TEX9: variants seen among roughly 807,000 people sequenced by gnomAD.
The protein encoded by TEX9 is testis-expressed protein 9.
TEX9 carries 74 observed loss-of-function variants against 59.6 expected under a neutral mutation model. The observed-to-expected ratio is 1.24, with a 90% CI of 1.03 to 1.51. The LOEUF (loss-of-function observed/expected upper bound fraction) is 1.51, where lower values mean the gene tolerates loss of function less well. Among genes scored for constraint, TEX9 ranks in the 40% most tolerant of loss-of-function variants. The pLI is 0.00. For synonymous variants in TEX9, 186 were observed against 152.2 expected (o/e 1.22, Z -1.64); for missense variants, 522 against 447.8 (o/e 1.17, Z -1.49).
intron 1 of TEX9, among the ~76,000 whole-genome samples, chr15:56,278,317 T>G (rs1436515760): frequency 6.6e-6 from 1 of 152,222 alleles, no homozygotes; most frequent in Non-Finnish European, 1.5e-5. Flanking sequence ...TGATGTATAT[T>G]CCACCAGCAA....
chr15:56,422,882 A>C (rs1046919364), intron 10 of TEX9, among the ~76,000 whole-genome samples: 2 of 152,128 alleles, frequency 1.3e-5, no homozygotes, highest in African/African-American at 4.8e-5. Context: ...CTAGGAAGTA[A>C]ACGTCAGTAG....
rs184746093 is a variant in TEX9, at chr15:56,425,698, G to C, written c.964-1907G>C. 1.3e-5 allele frequency among the ~76,000 whole-genome samples: 2 copies of C among 152,240 alleles called. 1 individual carries two copies. Among genetic ancestry groups the C allele is most frequent in the East Asian group, 3.9e-4 (2 of 5,188 alleles). On this transcript the variant is annotated intron_variant, in intron 10 of 12. Coordinates refer to ENST00000352903, the Ensembl canonical transcript of TEX9. ...TTTAAAGTCCTTGTCAAATAAGTGA[G>C]AAGCCTTTGTTTCTTTAGGATACAC...
chr15:56,453,752 T>G, the TEX9 span, among the ~76,000 whole-genome samples: 10 of 152,292 alleles, frequency 6.6e-5, no homozygotes, highest in East Asian at 1.9e-3. Flanking sequence ...AGTTAAATTA[T>G]CTTTTAAGTA....
chr15:56,276,446 G>A (rs1050678535), intron 1 of TEX9, among the ~76,000 whole-genome samples: 1 of 152,068 alleles, frequency 6.6e-6, no homozygotes, highest in African/African-American at 2.4e-5. Context: ...TTCTGTTCCC[G>A]TGTTAGTTTG....
intron 1 of TEX9, among the ~76,000 whole-genome samples, chr15:56,342,157 G>T (rs1180273646): frequency 6.6e-6 from 1 of 152,148 alleles, no homozygotes; most frequent in African/African-American, 2.4e-5. Flanking sequence ...ACCGTCATCA[G>T]TTGGTACTTC....
intron 1 of TEX9, among the ~76,000 whole-genome samples, chr15:56,278,597 A>C (rs2044738104): frequency 6.6e-6 from 1 of 152,200 alleles, no homozygotes; most frequent in Non-Finnish European, 1.5e-5. Flanking sequence ...GGATATGGGT[A>C]GTATTTTTGA....
chr15:56,449,917 C>T (rs1596265705), downstream of TEX9, among the ~76,000 whole-genome samples: 3 of 152,240 alleles, frequency 2.0e-5, no homozygotes, highest in African/African-American at 7.2e-5. Context: ...ATTCCAAAAA[C>T]TGGTTATTTG....
chr15:56,309,700 T>TTTTTTTG (rs2045563763), intron 1 of TEX9, among the ~76,000 whole-genome samples: 1 of 125,874 alleles, frequency 7.9e-6, no homozygotes, highest in Non-Finnish European at 1.7e-5. Flanking sequence ...GAAGTTTTTT[T>TTTTTTTG]TTTTTTTTTT....
chr15:56,400,917 G>A (rs1435128851), intron 9 of TEX9, among the ~76,000 whole-genome samples: 1 of 152,098 alleles, frequency 6.6e-6, no homozygotes, highest in East Asian at 1.9e-4. Context: ...ATCCTTTACA[G>A]ACAAGCAAAT....
chr15:56,454,516 T>C, the TEX9 span, among the ~76,000 whole-genome samples: 1 of 152,210 alleles, frequency 6.6e-6, no homozygotes, highest in African/African-American at 2.4e-5. Context: ...CTATTCAGGA[T>C]TAAGTCATAC....
chr15:56,373,334 T>C, intron 2 of TEX9, 107 bp from the exon 3 acceptor site: 1 of 944,898 alleles, frequency 1.1e-6, no homozygotes. Flanking sequence ...GCCATATGTA[T>C]ATTTTGGCAT....
intron 12 of TEX9, chr15:56,444,443 C>T (rs754241234): frequency 2.5e-6 from 4 of 1,602,436 alleles, no homozygotes; most frequent in Non-Finnish European, 3.4e-6. Flanking sequence ...GATAAACTTA[C>T]AACTGATCTT....
chr15:56,452,962 CTA>C, the TEX9 span, among the ~76,000 whole-genome samples: 32 of 152,154 alleles, frequency 2.1e-4, no homozygotes. Flanking sequence ...CTCAAGCCTG[CTA>C]TGTTAACTCT....
At chr15:56,404,766 A>T (rs1307007509) in intron 9 of TEX9, among the ~76,000 whole-genome samples, 1 of 152,216 alleles carries the variant, frequency 6.6e-6, no homozygotes, top group African/African-American at 2.4e-5. Context: ...GATTAAGAAA[A>T]TGTGGCACAT....
chr15:56,389,464 T>A (rs1334747031), intron 6 of TEX9, 64 bp downstream of exon 6: 2 of 1,167,990 alleles, frequency 1.7e-6, no homozygotes, highest in African/African-American at 1.6e-5. Flanking sequence ...ACCATCATTC[T>A]TAATTATTAA....
intron 1 of TEX9, among the ~76,000 whole-genome samples, chr15:56,309,448 A>G (rs923949592): frequency 2.0e-5 from 3 of 152,164 alleles, no homozygotes; most frequent in Admixed American, 6.5e-5. Flanking sequence ...ATATGGCTGG[A>G]TGTGGTTTTG....
intron 1 of TEX9, among the ~76,000 whole-genome samples, chr15:56,320,371 G>T (rs1268383241): frequency 2.0e-5 from 3 of 152,194 alleles, no homozygotes; most frequent in African/African-American, 4.8e-5. Context: ...GAAAGTCTCA[G>T]ATCAAGGTTC....
At chr15:56,262,868 A>G (rs2044297771) in intron 1 of TEX9, among the ~76,000 whole-genome samples, 1 of 152,204 alleles carries the variant, frequency 6.6e-6, no homozygotes, top group Admixed American at 6.5e-5. Context: ...CTTTATCTCT[A>G]GTACACTTCT....
intron 12 of TEX9, chr15:56,431,231 A>G (rs2050584814): frequency 1.2e-6 from 1 of 838,954 alleles, no homozygotes; most frequent in South Asian, 1.9e-5. Flanking sequence ...AGAGAGGTTC[A>G]GTGCCTGGAC....
Sources: gnomAD v4.1 joint callset for allele counts (sites outside exome capture counted in the v4.1 genomes callset) on GRCh38, gnomAD v4.1.1 for gene constraint, MANE v1.5 for transcripts, NCBI Gene and HGNC (gene_info 2026-07-23, HGNC 2026-07-21) for gene names.